CFAP43: variants seen among roughly 807,000 people sequenced by gnomAD.
CFAP43 encodes the protein cilia- and flagella-associated protein 43.
CFAP43 carries 155 observed loss-of-function variants against 218.9 expected under a neutral mutation model. The observed-to-expected ratio is 0.71, with a 90% CI of 0.62 to 0.81. CFAP43 has a LOEUF of 0.81. Among genes scored for constraint, CFAP43 ranks in the 30% least tolerant of loss-of-function variants. The pLI, the probability that CFAP43 is intolerant of heterozygous loss-of-function variation, is 0.00. For missense variants in CFAP43, 1,778 were observed against 1,954.3 expected (o/e 0.91, Z 1.70); for synonymous variants, 645 against 681.3 (o/e 0.95, Z 0.83).
At chr10:104,213,221 A>C (rs927513274) in intron 4 of CFAP43, among the ~76,000 whole-genome samples, 2 of 152,342 alleles carry the variant, frequency 1.3e-5, no homozygotes, top group South Asian at 4.1e-4. Context: ...CTCCATTTCA[A>C]AAGCTTTATT....
chr10:104,214,482 G>C, intron 3 of CFAP43, 56 bp from the exon 4 acceptor site: 1 of 1,377,618 alleles, frequency 7.3e-7, no homozygotes, highest in Non-Finnish European at 9.7e-7. Context: ...CATGTATTTA[G>C]AACATTTATC....
At chr10:104,131,216 A>C (rs1296730206) in intron 37 of CFAP43, 115 bp downstream of exon 37, 1 of 1,274,106 alleles carries the variant, frequency 7.8e-7, no homozygotes, top group African/African-American at 1.5e-5. Flanking sequence ...AATTATTTTA[A>C]ACAATGTATT....
intron 7 of CFAP43, 120 bp downstream of exon 7, chr10:104,205,842 AT>A: frequency 2.4e-6 from 2 of 826,240 alleles, no homozygotes; most frequent in Non-Finnish European, 3.9e-6. Context: ...AGAGGAAACC[AT>A]TTTAATTAAT....
intron 10 of CFAP43, among the ~76,000 whole-genome samples, chr10:104,194,984 T>C (rs748696197): frequency 1.2e-4 from 19 of 152,198 alleles, no homozygotes; most frequent in Middle Eastern, 3.2e-3. Context: ...TGTGTGTATA[T>C]GTGTATGTGT....
rs1564824488 is a variant in CFAP43, at chr10:104,230,769, TA to T, written c.139del (p.Tyr47MetfsTer2). On this transcript the variant is annotated frameshift_variant, in exon 2 of 38. Coordinates refer to ENST00000357060, the MANE Select transcript of CFAP43 (RefSeq NM_025145.7). LOFTEE classifies it high-confidence loss of function. ...GGTTTCAATATTAATAAATATTACA[TA>T]ATTCCCACAAGGGTAGCAAATGGTG... ...DNTICYPCGNYVIFINIETKK... is the reference protein window; with the variant it reads ...DNTICYPCGNXVIFINIETKK... The T allele has an allele frequency of 6.2e-7, 1 of 1,613,984 alleles. No homozygotes were observed. Among genetic ancestry groups the T allele is most frequent in the East Asian group, 2.2e-5 (1 of 44,870 alleles).
chr10:104,228,741 G>C (rs1278865177), intron 2 of CFAP43, among the ~76,000 whole-genome samples: 6 of 152,018 alleles, frequency 3.9e-5, no homozygotes, highest in Admixed American at 3.9e-4. Context: ...TTCTAAGTAT[G>C]TATATGTTCT....
rs759997534 is a variant in CFAP43, at chr10:104,185,005, A to T, written c.2141+11T>A. On this transcript the variant is annotated intron_variant, in intron 16 of 37. Transcript: ENST00000357060. ...TACTACATGGGGTTACTTACTGAAT[A>T]CTGTACGTACTTCCACTTTAGGTAG... The T allele has an allele frequency of 1.2e-6, 2 of 1,613,672 alleles. No homozygotes were observed. Among genetic ancestry groups the T allele is most frequent in the South Asian group, 2.2e-5 (2 of 91,038 alleles).
At chr10:104,194,942 C>A (rs554214771) in intron 10 of CFAP43, among the ~76,000 whole-genome samples, 1 of 152,270 alleles carries the variant, frequency 6.6e-6, no homozygotes, top group South Asian at 2.1e-4. Context: ...ATTGAGTGGG[C>A]TTTTTGTAAA....
intron 37 of CFAP43, 60 bp from the exon 38 acceptor site, chr10:104,130,365 A>G: frequency 6.4e-7 from 1 of 1,557,136 alleles, no homozygotes; most frequent in Non-Finnish European, 8.7e-7. Context: ...ATACAGAAGC[A>G]GCACTCAGAA....
chr10:104,140,027 T>C (rs956958401), intron 34 of CFAP43, among the ~76,000 whole-genome samples: 8 of 151,950 alleles, frequency 5.3e-5, no homozygotes, highest in Admixed American at 2.0e-4. Context: ...ATGAATCAAA[T>C]AGGAAGTCAC....
intron 3 of CFAP43, among the ~76,000 whole-genome samples, chr10:104,218,221 G>A (rs569003012): frequency 1.3e-5 from 2 of 151,956 alleles, no homozygotes; most frequent in African/African-American, 2.4e-5. Context: ...GGTGGCGGGT[G>A]CCTGTAGTCC....
intron 2 of CFAP43, among the ~76,000 whole-genome samples, chr10:104,225,827 C>G (rs2091292331): frequency 6.6e-6 from 1 of 152,194 alleles, no homozygotes; most frequent in African/African-American, 2.4e-5. Flanking sequence ...CATACCGCAC[C>G]ATGTATGTCC....
At chr10:104,169,854 C>A (rs2089333123) in intron 20 of CFAP43, among the ~76,000 whole-genome samples, 2 of 152,144 alleles carry the variant, frequency 1.3e-5, no homozygotes, top group African/African-American at 4.8e-5. Context: ...TCAGAGCCTG[C>A]CTGATTCCTA....
At chr10:104,155,144 T>C (rs986837041) in intron 27 of CFAP43, among the ~76,000 whole-genome samples, 3 of 152,138 alleles carry the variant, frequency 2.0e-5, no homozygotes, top group Non-Finnish European at 4.4e-5. Flanking sequence ...TGTCTCATCT[T>C]GGGGTGAGGA....
intron 12 of CFAP43, 59 bp from the exon 13 acceptor site, chr10:104,188,469 T>C: frequency 6.3e-7 from 1 of 1,574,806 alleles, no homozygotes; most frequent in African/African-American, 1.3e-5. Flanking sequence ...AATGATCTTT[T>C]ACCTTTCCAA....
intron 31 of CFAP43, 127 bp from the exon 32 acceptor site, chr10:104,143,766 T>C: frequency 1.1e-6 from 1 of 890,738 alleles, no homozygotes; most frequent in South Asian, 1.7e-5. Flanking sequence ...TGATGGCTGG[T>C]AGGTGGGTTA....
intron 33 of CFAP43, 132 bp from the exon 34 acceptor site, chr10:104,141,133 G>A: frequency 1.1e-6 from 1 of 937,672 alleles, no homozygotes; most frequent in Admixed American, 2.9e-5. Context: ...TTTTCCTGAT[G>A]ATGAGCTTTC....
At chr10:104,167,542 C>G (rs1170417155) in intron 22 of CFAP43, 79 bp downstream of exon 22, 2 of 1,067,030 alleles carry the variant, frequency 1.9e-6, no homozygotes, top group Non-Finnish European at 2.6e-6. Context: ...TAAATTACAT[C>G]CCAACTCAAA....
chr10:104,130,119 G>T lies in CFAP43; in HGVS notation c.*20C>A, dbSNP rs751504210. 1 of 1,566,328 alleles carries T rather than the reference G, an allele frequency of 6.4e-7. No homozygotes were observed. The highest frequency in any genetic ancestry group is 8.6e-7 in the Non-Finnish European group (1 of 1,161,824). ...TTTTTTAAATGATTGATTTGGCCTT[G>T]TGTTTTCCTGCCAGCGTTTTTACAT... is the stretch of plus-strand genomic sequence containing the variant. On this transcript the variant is annotated 3_prime_UTR_variant, in exon 38 of 38. Coordinates refer to ENST00000357060, the MANE Select transcript of CFAP43 (RefSeq NM_025145.7).
Sources: gnomAD v4.1 joint callset for allele counts (sites outside exome capture counted in the v4.1 genomes callset) on GRCh38, gnomAD v4.1.1 for gene constraint, MANE v1.5 for transcripts, NCBI Gene and HGNC (gene_info 2026-07-23, HGNC 2026-07-21) for gene names.